TTLL9: variants seen among roughly 807,000 people sequenced by gnomAD.
TTLL9 encodes probable tubulin polyglutamylase TTLL9.
Under a neutral mutation model 65.6 loss-of-function variants are expected in TTLL9, and 47 were observed. The observed-to-expected ratio is 0.72, with a 90% CI of 0.57 to 0.91. TTLL9 has a LOEUF of 0.91. Ranked by LOEUF, TTLL9 falls within the 40% of genes least tolerant of loss-of-function variation. The probability of loss-of-function intolerance (pLI) is 0.00; values close to 1 mark genes in which losing one functional copy is unlikely to be tolerated. For missense variants in TTLL9, 537 were observed against 568.8 expected, an observed-to-expected ratio of 0.94 and a Z score of 0.57; for synonymous variants, 179 against 204.8, an observed-to-expected ratio of 0.87 and a Z score of 1.07.
chr20:31,940,284 TA>T (rs940766968), intron 14 of TTLL9: 4 of 152,272 alleles, frequency 2.6e-5, no homozygotes, highest in African/African-American at 9.6e-5. Flanking sequence ...TTCCATTGAT[TA>T]CTGGTGAGGT....
intron 5 of TTLL9, 79 bp downstream of exon 5, chr20:31,908,781 G>C: frequency 8.7e-7 from 1 of 1,148,654 alleles, no homozygotes; most frequent in Non-Finnish European, 1.3e-6. Context: ...CTGGTACAAG[G>C]ATCAGAAAAG....
Position 31,942,989 on chromosome 20 carries a change from T to G in TTLL9, c.1288T>G (p.Ser430Ala), listed in dbSNP as rs201169680. The G allele has an allele frequency of 9.8e-5, 158 of 1,613,954 alleles. No individual in the cohort carries two copies. The African/African-American group carries it at 1.9e-3, about 19-fold the overall frequency. ...RKKQLRQLFC[S>A]LQVQKKASS ...GAAACAACTGAGGCAGCTCTTCTGC[T>G]CCCTTCAAGTTCAGAAGAAAGCTTC... The change falls in exon 15 of 15, where the codon TCC (serine) becomes GCC (alanine). Residue 430 changes from serine (S) to alanine (A), a missense_variant. By Grantham distance (99) the Ser-to-Ala change is moderately conservative (BLOSUM62 1). This residue lies in a region of TTLL9 where 205 missense variants were observed against 225.9 expected (regional missense o/e 0.91). Transcript: ENST00000535842.
intron 6 of TTLL9, among the ~76,000 whole-genome samples, chr20:31,914,894 CTCAG>C (rs1242194441): frequency 6.6e-6 from 1 of 152,222 alleles, no homozygotes; most frequent in East Asian, 1.9e-4. Context: ...CGCTGGCACT[CTCAG>C]TCAGTTACTC....
chr20:31,882,681 G>T (rs1322214140), intron 2 of TTLL9, among the ~76,000 whole-genome samples: 1 of 151,996 alleles, frequency 6.6e-6, no homozygotes, highest in Non-Finnish European at 1.5e-5. Flanking sequence ...TTAGTGGTTT[G>T]GGGAAAGTAT....
Position 31,944,660 on chromosome 20 carries a change from T to G in TTLL9, c.*1639T>G, listed in dbSNP as rs1002704865. 6.6e-6 allele frequency: 1 copy of G among 152,250 alleles called. No homozygotes were observed. Among genetic ancestry groups the G allele is most frequent in the Non-Finnish European group, 1.5e-5 (1 of 68,044 alleles). The allele number at this position is 152,250 out of a possible 1,614,324, so 9.4% of individuals were successfully genotyped here. A position where few individuals can be genotyped will look rare whatever the true frequency, so the allele number is the denominator to read the frequency against. ...CCCACACTCATGTTTTAAAAGTTTC[T>G]GCATTAGTCAAAAATATTTAAAAGG... On this transcript the variant is annotated 3_prime_UTR_variant, in exon 15 of 15. Coordinates refer to ENST00000535842, the MANE Select transcript of TTLL9 (RefSeq NM_001008409.5).
chr20:31,923,102 C>T, intron 8 of TTLL9, 49 bp downstream of exon 8: 1 of 1,439,544 alleles, frequency 6.9e-7, no homozygotes, highest in East Asian at 2.3e-5. Context: ...GGTCATCAAA[C>T]AGTCAGTCAA....
chr20:31,890,347 G>T (rs954010829), intron 3 of TTLL9, among the ~76,000 whole-genome samples: 1 of 151,764 alleles, frequency 6.6e-6, no homozygotes, highest in African/African-American at 2.4e-5. Flanking sequence ...AAGTGTTGTT[G>T]TACTGTTATT....
intron 4 of TTLL9, among the ~76,000 whole-genome samples, chr20:31,905,240 T>G (rs1455846442): frequency 6.6e-6 from 1 of 151,946 alleles, no homozygotes; most frequent in African/African-American, 2.4e-5. Context: ...TGGGCTAGTT[T>G]TTGTGTTTTT....
chr20:31,873,684 G>GAGAGAGAA (rs1364633891), intron 2 of TTLL9, among the ~76,000 whole-genome samples: 60 of 100,584 alleles, frequency 6.0e-4, no homozygotes, highest in South Asian at 3.7e-4. Flanking sequence ...AAGAGAGAGA[G>GAGAGAGAA]AGAAAGAAAG....
At chr20:31,922,880 C>T (rs1163815173) in intron 7 of TTLL9, 83 bp from the exon 8 acceptor site, 1 of 1,124,700 alleles carries the variant, frequency 8.9e-7, no homozygotes, top group Non-Finnish European at 1.3e-6. Flanking sequence ...AGTGAGCTAC[C>T]CAAAGTAGTG....
At chr20:31,889,968 CT>C (rs2063262065) in intron 3 of TTLL9, among the ~76,000 whole-genome samples, 1 of 129,820 alleles carries the variant, frequency 7.7e-6, no homozygotes, top group African/African-American at 2.9e-5. Flanking sequence ...CAAGCCACAT[CT>C]CTCTCTTTCT....
chr20:31,941,234 A>G (rs2064202661), intron 14 of TTLL9: 1 of 151,092 alleles, frequency 6.6e-6, no homozygotes, highest in Non-Finnish European at 1.5e-5. Context: ...AAGAAAAAAA[A>G]AAAAAAAAAA....
At chr20:31,918,749 G>T (rs896283739) in intron 6 of TTLL9, among the ~76,000 whole-genome samples, 1 of 152,218 alleles carries the variant, frequency 6.6e-6, no homozygotes, top group African/African-American at 2.4e-5. Flanking sequence ...GCAAGGCCGT[G>T]AACTGTTGGA....
chr20:31,941,765 A>C (rs912478993), intron 14 of TTLL9, among the ~76,000 whole-genome samples: 9 of 152,142 alleles, frequency 5.9e-5, no homozygotes, highest in Non-Finnish European at 1.0e-4. Context: ...CTGTAGAGAC[A>C]AAATCTCACT....
rs534403713 is a variant in TTLL9, at chr20:31,925,273, C to T, written c.705+224C>T. On this transcript the variant is annotated intron_variant, in intron 9 of 14. Transcript: ENST00000535842. ...AGTCTAGATTTGCCCTCTCTCTGCC[C>T]TTCTTTATTCATTCGGTCATCCACA... Among the ~76,000 whole-genome samples the T allele has an allele frequency of 1.4e-4, 22 of 152,248 alleles. No individual in the cohort carries two copies. The South Asian group carries it at 4.1e-3, about 29-fold the overall frequency.
Position 31,909,914 on chromosome 20 carries a change from A to ATGAAGCC in TTLL9, c.499_504+1dup. 7.3e-7 allele frequency: 1 copy of ATGAAGCC among 1,364,530 alleles called. No homozygotes were observed. Among genetic ancestry groups the ATGAAGCC allele is most frequent in the Non-Finnish European group, 1.0e-6 (1 of 1,002,218 alleles). 84.5% of individuals were successfully genotyped at this position (1,364,530 alleles called of 1,614,324 possible). A position where few individuals can be genotyped will look rare whatever the true frequency, so the allele number is the denominator to read the frequency against. On this transcript the variant is annotated frameshift_variant, in exon 6 of 15. Transcript: ENST00000535842. LOFTEE classifies it high-confidence loss of function. ...CAAAAACCCAGGAATCACCTGGATC[A>ATGAAGCC]TGAAGCCTGTGAGTGCCCAGTGCCA...
chr20:31,890,147 T>TTCCC (rs1568753501), intron 3 of TTLL9, among the ~76,000 whole-genome samples: 1 of 116,154 alleles, frequency 8.6e-6, no homozygotes, highest in African/African-American at 3.5e-5. Flanking sequence ...CCTTCCTTCC[T>TTCCC]TCCTTCCTTC....
Position 31,942,867 on chromosome 20 carries a change from A to G in TTLL9, c.1244-78A>G, listed in dbSNP as rs915997175. ...CTGACTCCCGCTGTCCCCTCTTCCC[A>G]GCAGGGAGTTGGGGCACAGGCCCCT... On this transcript the variant is annotated intron_variant, in intron 14 of 14. Transcript: ENST00000535842. 5 of 1,428,630 alleles carry G rather than the reference A, an allele frequency of 3.5e-6. No homozygotes were observed. In the Admixed American group the frequency reaches 8.5e-5, roughly 24 times the overall value. The allele number at this position is 1,428,630 out of a possible 1,614,324, so 88.5% of individuals were successfully genotyped here.
At chr20:31,925,113 G>A (rs2063878392) in intron 9 of TTLL9, 64 bp downstream of exon 9, 1 of 1,544,094 alleles carries the variant, frequency 6.5e-7, no homozygotes, top group Non-Finnish European at 8.9e-7. Flanking sequence ...CTAGGGAGAT[G>A]GGGGGAAGAG....
Sources: gnomAD v4.1 joint callset for allele counts (sites outside exome capture counted in the v4.1 genomes callset) on GRCh38, gnomAD v4.1.1 for gene constraint, gnomAD v4.1.1 regional missense constraint, MANE v1.5 for transcripts, NCBI Gene and HGNC (gene_info 2026-07-23, HGNC 2026-07-21) for gene names.